The following DLGAP1 variants were observed in gnomAD, a reference collection of about 807,000 sequenced individuals.
DLGAP1 encodes the protein DLG associated protein 1.
A neutral mutation model predicts 90.8 loss-of-function variants in DLGAP1; 11 were observed. That is an observed-to-expected ratio of 0.12 (90% CI 0.08 to 0.20). DLGAP1 has a LOEUF of 0.20. DLGAP1 is among the 10% of genes least tolerant of loss of function. The pLI is 1.00. For synonymous variants in DLGAP1, 558 were observed against 540.7 expected (o/e 1.03, Z -0.44); for missense variants, 1,050 against 1,333.8 (o/e 0.79, Z 3.31).
At chr18:4,292,462 A>G (rs188050310) in intron 1 of DLGAP1, among the ~76,000 whole-genome samples, 14 of 152,274 alleles carry the variant, frequency 9.2e-5, no homozygotes, top group Admixed American at 5.9e-4. Flanking sequence ...ATGTAGTAAA[A>G]TATGAGCATT....
chr18:3,502,188 A>T, intron 12 of DLGAP1: 1 of 1,224,372 alleles, frequency 8.2e-7, no homozygotes, highest in South Asian at 2.8e-5. Flanking sequence ...TAGTTTAAAA[A>T]GCAAAATGGA....
chr18:4,209,908 G>A (rs1021700883), intron 1 of DLGAP1, among the ~76,000 whole-genome samples: 4 of 152,228 alleles, frequency 2.6e-5, no homozygotes, highest in African/African-American at 7.2e-5. Context: ...CTGGCCTGCC[G>A]CCTACTCCTT....
At position 4,005,601 on chromosome 18, in the gene DLGAP1, C is replaced by T. The variant is rs186533204; in HGVS notation, c.-158-400G>A. Among the ~76,000 whole-genome samples the T allele has an allele frequency of 7.2e-5, 11 of 152,296 alleles. No homozygotes were observed. In the East Asian group the frequency reaches 9.7e-4, roughly 13 times the overall value. On this transcript the variant is annotated intron_variant, in intron 2 of 12. Coordinates refer to ENST00000315677, the MANE Select transcript of DLGAP1 (RefSeq NM_004746.4). Reference sequence around the variant, plus strand: ...GGAGAGATAGGTTAGTGCCCACCCTCGGGAGTTCACAATTTAGCAGGTCCC... The same window carrying T: ...GGAGAGATAGGTTAGTGCCCACCCTTGGGAGTTCACAATTTAGCAGGTCCC...
intron 3 of DLGAP1, among the ~76,000 whole-genome samples, chr18:3,900,312 G>C (rs1230732141): frequency 1.3e-5 from 2 of 152,178 alleles, no homozygotes; most frequent in African/African-American, 4.8e-5. Flanking sequence ...CGACATTGTT[G>C]TTTCTCATCA....
intron 1 of DLGAP1, among the ~76,000 whole-genome samples, chr18:4,336,388 A>G (rs2081067878): frequency 6.6e-6 from 1 of 152,210 alleles, no homozygotes. Context: ...ACCACATACA[A>G]CTGTGGAAGA....
At chr18:4,435,780 C>T (rs76154683) in intron 1 of DLGAP1, among the ~76,000 whole-genome samples, 6,114 of 152,276 alleles carry the variant, frequency 0.04, 376 homozygotes, top group African/African-American at 0.13. Flanking sequence ...TTTCACTTCC[C>T]TCTTCCAACA....
intron 7 of DLGAP1, among the ~76,000 whole-genome samples, chr18:3,630,862 A>G (rs1375877344): frequency 6.6e-6 from 1 of 152,222 alleles, no homozygotes; most frequent in Non-Finnish European, 1.5e-5. Flanking sequence ...CAAAAACTAA[A>G]ACACAACAAC....
At chr18:4,080,477 T>G (rs73382701) in intron 2 of DLGAP1, among the ~76,000 whole-genome samples, 1 of 152,152 alleles carries the variant, frequency 6.6e-6, no homozygotes. Flanking sequence ...GCTGGAAACA[T>G]GATAATAGCT....
At chr18:3,670,823 T>C (rs1035218462) in intron 7 of DLGAP1, among the ~76,000 whole-genome samples, 1 of 152,226 alleles carries the variant, frequency 6.6e-6, no homozygotes, top group Non-Finnish European at 1.5e-5. Flanking sequence ...TGGCAAATCA[T>C]CTAACATTAA....
intron 6 of DLGAP1, among the ~76,000 whole-genome samples, chr18:3,741,129 A>C (rs2062957508): frequency 1.8e-5 from 2 of 108,404 alleles, no homozygotes; most frequent in African/African-American, 3.8e-5. Flanking sequence ...CATCACCACC[A>C]CCACCACATC....
intron 1 of DLGAP1, among the ~76,000 whole-genome samples, chr18:4,231,272 A>G (rs1195309898): frequency 6.6e-6 from 1 of 152,116 alleles, no homozygotes; most frequent in Non-Finnish European, 1.5e-5. Context: ...TGCTGCCAAT[A>G]AAGCATTTTC....
rs574037879 is a variant in DLGAP1 at position 3,869,542 on chromosome 18, G to C, written c.957+9570C>G. ...CTGGACTCCAGCCTGGGTGACAAAG[G>C]GAAACACTGTCTTTCAAAAAAGAAA... On this transcript the variant is annotated intron_variant, in intron 4 of 12. Transcript: ENST00000315677. 3.3e-5 allele frequency among the ~76,000 whole-genome samples: 5 copies of C among 152,194 alleles called. No individual in the cohort carries two copies. In the East Asian group the frequency reaches 9.7e-4, roughly 29 times the overall value.
intron 1 of DLGAP1, among the ~76,000 whole-genome samples, chr18:4,414,279 A>T (rs1405807363): frequency 6.6e-6 from 1 of 152,248 alleles, no homozygotes; most frequent in Non-Finnish European, 1.5e-5. Context: ...GTGCTTTGCA[A>T]AATAAAGATG....
At chr18:3,680,914 C>A (rs866552600) in intron 7 of DLGAP1, among the ~76,000 whole-genome samples, 1 of 152,078 alleles carries the variant, frequency 6.6e-6, no homozygotes, top group Non-Finnish European at 1.5e-5. Context: ...TGAATCTATG[C>A]TGCAAACTCT....
intron 9 of DLGAP1, among the ~76,000 whole-genome samples, chr18:3,541,484 T>C (rs1000741184): frequency 6.6e-6 from 1 of 152,122 alleles, no homozygotes; most frequent in Non-Finnish European, 1.5e-5. Flanking sequence ...ATTTCAAGGG[T>C]GGGTACTGGG....
intron 8 of DLGAP1, 137 bp downstream of exon 8, chr18:3,581,738 A>G (rs1316254368): frequency 9.5e-7 from 1 of 1,049,132 alleles, no homozygotes; most frequent in African/African-American, 1.6e-5. Context: ...GTCCACAGCC[A>G]ATCACTTGAA....
At chr18:3,888,733 G>A (rs1259594230) in intron 3 of DLGAP1, among the ~76,000 whole-genome samples, 1 of 152,174 alleles carries the variant, frequency 6.6e-6, no homozygotes, top group African/African-American at 2.4e-5. Flanking sequence ...GGTCATTATT[G>A]ATATTGGTGG....
Position 3,575,596 on chromosome 18 carries a change from G to A in DLGAP1, c.1965+6279C>T, listed in dbSNP as rs77902566. Among the ~76,000 whole-genome samples the A allele has an allele frequency of 6.8e-3, 1,029 of 152,154 alleles. 10 individuals are homozygous for A. Among genetic ancestry groups the A allele is most frequent in the African/African-American group, 0.024 (981 of 41,492 alleles). ...ATACGAGGTGGGAGTGGGAAAGAAG[G>A]GGAAATCTCATATTTTGCTCTATAC... is the stretch of plus-strand genomic sequence containing the variant. On this transcript the variant is annotated intron_variant, in intron 8 of 12. Coordinates refer to ENST00000315677, the MANE Select transcript of DLGAP1 (RefSeq NM_004746.4).
intron 7 of DLGAP1, among the ~76,000 whole-genome samples, chr18:3,682,412 G>A (rs1046220196): frequency 6.6e-6 from 1 of 152,186 alleles, no homozygotes; most frequent in Non-Finnish European, 1.5e-5. Context: ...TTATAACAAT[G>A]TGAGAATGGA....
Sources: gnomAD v4.1 joint callset for allele counts (sites outside exome capture counted in the v4.1 genomes callset) on GRCh38, gnomAD v4.1.1 for gene constraint, MANE v1.5 for transcripts, NCBI Gene and HGNC (gene_info 2026-07-23, HGNC 2026-07-21) for gene names.